The following KCNIP4 variants were observed in gnomAD, a reference collection of about 807,000 sequenced individuals.
The protein encoded by KCNIP4 is Kv channel-interacting protein 4.
A neutral mutation model predicts 34.0 loss-of-function variants in KCNIP4; 12 were observed. That is an observed-to-expected ratio of 0.35 (90% CI 0.23 to 0.57). The LOEUF is 0.57. Among genes scored for constraint, KCNIP4 ranks in the 20% least tolerant of loss-of-function variants. KCNIP4 has a pLI of 0.83. For missense variants in KCNIP4, 238 were observed against 311.7 expected, an observed-to-expected ratio of 0.76 and a Z score of 1.78; for synonymous variants, 124 against 102.2, an observed-to-expected ratio of 1.21 and a Z score of -1.29.
chr4:21,215,615 T>C (rs1300441911), intron 1 of KCNIP4, among the ~76,000 whole-genome samples: 2 of 152,170 alleles, frequency 1.3e-5, no homozygotes, highest in Admixed American at 1.3e-4. Context: ...ATCTCTTCTG[T>C]TGTTAAGCAA....
chr4:21,544,958 AG>A (rs1310410950), intron 1 of KCNIP4, among the ~76,000 whole-genome samples: 1 of 152,076 alleles, frequency 6.6e-6, no homozygotes, highest in Non-Finnish European at 1.5e-5. Flanking sequence ...CATCTTGAAT[AG>A]GGGCTGGGTA....
intron 1 of KCNIP4, among the ~76,000 whole-genome samples, chr4:21,077,749 A>C (rs940829322): frequency 2.6e-5 from 4 of 152,124 alleles, no homozygotes; most frequent in African/African-American, 9.7e-5. Context: ...TAAAGAGTAC[A>C]TTACTATTTA....
intron 1 of KCNIP4, chr4:21,762,854 A>G: frequency 2.0e-6 from 2 of 1,013,518 alleles, no homozygotes; most frequent in Non-Finnish European, 2.6e-6. Context: ...AGTGTGAGAA[A>G]GGAAAGGAGA....
intron 1 of KCNIP4, chr4:21,544,543 T>A (rs1177132142): frequency 1.3e-5 from 2 of 152,092 alleles, no homozygotes; most frequent in Non-Finnish European, 2.9e-5. Context: ...CAGAAGCCAA[T>A]TCCTTGACAT....
At chr4:21,022,480 T>G (rs1187081597) in intron 1 of KCNIP4, among the ~76,000 whole-genome samples, 2 of 152,248 alleles carry the variant, frequency 1.3e-5, no homozygotes, top group African/African-American at 4.8e-5. Context: ...ACTTCAAGTA[T>G]TTTCAAGATA....
At chr4:21,179,943 T>C (rs1754720703) in intron 1 of KCNIP4, among the ~76,000 whole-genome samples, 2 of 152,176 alleles carry the variant, frequency 1.3e-5, no homozygotes, top group South Asian at 4.1e-4. Context: ...TGCCAGTTCA[T>C]TGAGCCCCCA....
At chr4:21,303,861 C>A in intron 1 of KCNIP4, 1 of 1,614,054 alleles carries the variant, frequency 6.2e-7, no homozygotes, top group Non-Finnish European at 8.5e-7. Flanking sequence ...ACAAAAAGCA[C>A]AATGACGATC....
At chr4:21,433,976 T>C (rs1415733005) in intron 1 of KCNIP4, among the ~76,000 whole-genome samples, 1 of 152,228 alleles carries the variant, frequency 6.6e-6, no homozygotes, top group African/African-American at 2.4e-5. Context: ...TTCACAATAC[T>C]GCAAGGCTGA....
intron 1 of KCNIP4, among the ~76,000 whole-genome samples, chr4:20,905,179 G>A (rs1454494559): frequency 6.6e-6 from 1 of 152,194 alleles, no homozygotes; most frequent in Admixed American, 6.5e-5. Flanking sequence ...GGACATCCAA[G>A]ATGTAGGTGT....
chr4:21,868,532 T>C (rs1369248784), intron 1 of KCNIP4, among the ~76,000 whole-genome samples: 3 of 152,162 alleles, frequency 2.0e-5, no homozygotes, highest in Non-Finnish European at 2.9e-5. Flanking sequence ...ATCAGTAAAA[T>C]AGAAGTAAGA....
At chr4:21,553,950 G>A (rs1467922389) in intron 1 of KCNIP4, among the ~76,000 whole-genome samples, 1 of 152,078 alleles carries the variant, frequency 6.6e-6, no homozygotes, top group African/African-American at 2.4e-5. Flanking sequence ...GCTTAAGAGA[G>A]TGACATATCT....
At chr4:21,778,444 A>G (rs1286627224) in intron 1 of KCNIP4, among the ~76,000 whole-genome samples, 1 of 151,554 alleles carries the variant, frequency 6.6e-6, no homozygotes. Context: ...CATGTTACCC[A>G]GGCTGGTCTT....
intron 3 of KCNIP4, among the ~76,000 whole-genome samples, chr4:20,839,054 A>G (rs1453244688): frequency 5.9e-5 from 9 of 152,214 alleles, no homozygotes; most frequent in Admixed American, 5.9e-4. Flanking sequence ...AAGGGACAGA[A>G]TAAAAGTAAC....
chr4:21,199,662 G>A (rs1177276555), intron 1 of KCNIP4, among the ~76,000 whole-genome samples: 1 of 152,110 alleles, frequency 6.6e-6, no homozygotes, highest in Non-Finnish European at 1.5e-5. Flanking sequence ...GTCTTGAATG[G>A]TATTGCCTAG....
chr4:21,470,166 C>T (rs751789167), intron 1 of KCNIP4, among the ~76,000 whole-genome samples: 1 of 152,144 alleles, frequency 6.6e-6, no homozygotes, highest in Non-Finnish European at 1.5e-5. Flanking sequence ...ATTATTAGAA[C>T]GTGAAGGTTG....
intron 1 of KCNIP4, among the ~76,000 whole-genome samples, chr4:21,729,130 A>T (rs546839880): frequency 2.2e-4 from 34 of 152,214 alleles, no homozygotes; most frequent in African/African-American, 8.2e-4. Flanking sequence ...AAATCTGAGC[A>T]CCTTCTACAG....
chr4:21,081,901 A>G (rs772524389), intron 1 of KCNIP4, among the ~76,000 whole-genome samples: 22 of 151,898 alleles, frequency 1.4e-4, no homozygotes, highest in Non-Finnish European at 2.8e-4. Flanking sequence ...CATCTAACAA[A>G]TGGAGGAAAT....
chr4:21,089,028 A>G (rs530312982), intron 1 of KCNIP4, among the ~76,000 whole-genome samples: 1 of 152,366 alleles, frequency 6.6e-6, no homozygotes, highest in Admixed American at 6.5e-5. Context: ...AACTTCAGAT[A>G]GGTTAACTAA....
chr4:21,455,243 G>A (rs1172371285), intron 1 of KCNIP4, among the ~76,000 whole-genome samples: 1 of 152,010 alleles, frequency 6.6e-6, no homozygotes. Context: ...TTTTCCTCAA[G>A]CTGTCCAGGG....
Sources: allele counts gnomAD v4.1 joint callset (sites outside exome capture counted in the v4.1 genomes callset), GRCh38; gene constraint gnomAD v4.1.1; transcripts MANE v1.5; gene names NCBI Gene and HGNC (gene_info 2026-07-23, HGNC 2026-07-21).